The following ZMYND11 variants were observed in gnomAD, a reference collection of about 807,000 sequenced individuals.
ZMYND11 encodes zinc finger MYND domain-containing protein 11.
Under a neutral mutation model 84.9 loss-of-function variants are expected in ZMYND11, and 9 were observed. The ratio of observed to expected loss-of-function variants is 0.11; its 90% CI spans 0.06 to 0.18. The LOEUF (loss-of-function observed/expected upper bound fraction) is 0.18. Among genes scored for constraint, ZMYND11 ranks in the 10% least tolerant of loss-of-function variants. The probability of loss-of-function intolerance (pLI) is 1.00; values close to 1 mark genes in which losing one functional copy is unlikely to be tolerated. For synonymous variants in ZMYND11, 250 were observed against 244.1 expected, an observed-to-expected ratio of 1.02 and a Z score of -0.23; for missense variants, 409 against 761.0, an observed-to-expected ratio of 0.54 and a Z score of 5.44.
intron 1 of ZMYND11, among the ~76,000 whole-genome samples, chr10:163,912 C>T (rs1409771115): frequency 6.6e-6 from 1 of 152,094 alleles, no homozygotes; most frequent in African/African-American, 2.4e-5. Flanking sequence ...CTTCACATGT[C>T]AGTGTCTAAA....
intron 2 of ZMYND11, among the ~76,000 whole-genome samples, chr10:198,695 A>G (rs1942374553): frequency 6.6e-6 from 1 of 152,238 alleles, no homozygotes; most frequent in Non-Finnish European, 1.5e-5. Flanking sequence ...ACAGAACTGA[A>G]AAGAAGGATT....
At chr10:149,741 G>T (rs542441415) in intron 1 of ZMYND11, among the ~76,000 whole-genome samples, 31 of 152,288 alleles carry the variant, frequency 2.0e-4, no homozygotes, top group African/African-American at 6.7e-4. Flanking sequence ...AATAGACATT[G>T]TATCACTTAG....
At chr10:167,904 A>G (rs1410099060) in intron 1 of ZMYND11, among the ~76,000 whole-genome samples, 3 of 152,130 alleles carry the variant, frequency 2.0e-5, no homozygotes, top group African/African-American at 7.2e-5. Context: ...ATAATGTGCA[A>G]TTCTCACCAT....
intron 2 of ZMYND11, among the ~76,000 whole-genome samples, chr10:192,988 T>A (rs1453890343): frequency 6.6e-6 from 1 of 152,218 alleles, no homozygotes; most frequent in Non-Finnish European, 1.5e-5. Context: ...TGTCATCTGT[T>A]TATTTAACTT....
intron 4 of ZMYND11, among the ~76,000 whole-genome samples, chr10:225,643 G>A (rs974124573): frequency 4.1e-4 from 63 of 152,148 alleles, no homozygotes; most frequent in African/African-American, 1.4e-3. Context: ...CCACCATACC[G>A]GCTGTCTCAT....
chr10:143,204 C>T (rs535586649), intron 1 of ZMYND11, among the ~76,000 whole-genome samples: 4 of 152,156 alleles, frequency 2.6e-5, no homozygotes, highest in African/African-American at 7.2e-5. Flanking sequence ...TTGTGAGAAG[C>T]GTATGGTAAA....
intron 1 of ZMYND11, among the ~76,000 whole-genome samples, chr10:169,627 A>G (rs1844811129): frequency 6.6e-6 from 1 of 152,196 alleles, no homozygotes; most frequent in African/African-American, 2.4e-5. Context: ...CGAGAGATCA[A>G]AAACACTAAC....
intron 1 of ZMYND11, among the ~76,000 whole-genome samples, chr10:173,351 G>T (rs901949142): frequency 1.3e-5 from 2 of 152,134 alleles, no homozygotes; most frequent in Middle Eastern, 3.2e-3. Context: ...GTGATGACAG[G>T]CTACAGACTG....
At chr10:239,980 GAAAGA>G in intron 7 of ZMYND11, 71 bp from the exon 8 acceptor site, 4 of 1,318,544 alleles carry the variant, frequency 3.0e-6, no homozygotes, top group Non-Finnish European at 4.2e-6. Context: ...TTTGCAAACT[GAAAGA>G]AAAGGATAGT....
intron 8 of ZMYND11, among the ~76,000 whole-genome samples, chr10:240,429 G>C (rs544010809): frequency 6.6e-6 from 1 of 152,286 alleles, no homozygotes; most frequent in South Asian, 2.1e-4. Context: ...GCTTGAACGT[G>C]GAAGGTGGAG....
At chr10:161,170 T>A (rs1172694420) in intron 1 of ZMYND11, among the ~76,000 whole-genome samples, 1 of 152,128 alleles carries the variant, frequency 6.6e-6, no homozygotes, top group African/African-American at 2.4e-5. Flanking sequence ...GATGTCATGT[T>A]AGCCACATGA....
chr10:148,513 T>C (rs1839462591), intron 1 of ZMYND11: 1 of 152,308 alleles, frequency 6.6e-6, no homozygotes, highest in African/African-American at 2.4e-5. Flanking sequence ...CCGTCCAATA[T>C]TTGCATTCAC....
At chr10:156,988 T>G (rs781588807) in intron 1 of ZMYND11, among the ~76,000 whole-genome samples, 6 of 152,192 alleles carry the variant, frequency 3.9e-5, no homozygotes, top group Non-Finnish European at 5.9e-5. Context: ...TTAGAAAGAG[T>G]CAAGTTTGTT....
At position 237,050 on chromosome 10, in the gene ZMYND11, T is replaced by C. The variant is rs539264441; in HGVS notation, c.516+135T>C. On this transcript the variant is annotated intron_variant, in intron 5 of 14. Transcript: ENST00000381604. ...GAAGTGTGGAGAGCACCCCGTCATGTCATATTTCTTTTTTGCAGTAAACAG... is the reference window on the plus strand; with the variant it reads ...GAAGTGTGGAGAGCACCCCGTCATGCCATATTTCTTTTTTGCAGTAAACAG... The C allele has an allele frequency of 9.7e-5, 75 of 774,860 alleles. 2 individuals are homozygous for C. In the Middle Eastern group the frequency reaches 2.4e-3, roughly 25 times the overall value. The allele number at this position is 774,860 out of a possible 1,614,324, so 48.0% of individuals were successfully genotyped here. A position where few individuals can be genotyped will look rare whatever the true frequency, so the allele number is the denominator to read the frequency against.
chr10:187,288 A>G (rs1026622508), intron 2 of ZMYND11, among the ~76,000 whole-genome samples: 1 of 152,170 alleles, frequency 6.6e-6, no homozygotes, highest in Non-Finnish European at 1.5e-5. Context: ...GGTAGTAGGG[A>G]AGGTACTGTA....
intron 1 of ZMYND11, among the ~76,000 whole-genome samples, chr10:137,290 C>CAG (rs1211813262): frequency 6.6e-6 from 1 of 151,882 alleles, no homozygotes; most frequent in Non-Finnish European, 1.5e-5. Flanking sequence ...GAGGAGATAC[C>CAG]CAGGTGGCCC....
intron 10 of ZMYND11, among the ~76,000 whole-genome samples, chr10:242,908 TAC>T (rs1289547528): frequency 6.6e-6 from 1 of 152,202 alleles, no homozygotes; most frequent in Non-Finnish European, 1.5e-5. Flanking sequence ...CATAGGTAGA[TAC>T]ACACTTACCT....
Position 252,508 on chromosome 10 carries a change from T to C in ZMYND11, c.*38T>C. On this transcript the variant is annotated 3_prime_UTR_variant, in exon 15 of 15. Transcript: ENST00000381604. This position sits in a 1 kb window ranked among gnomAD's most constrained non-coding sequence, Gnocchi z 4.6. ...CCGGAGTCACCCCGATGATTACTCT[T>C]TTCAGACACAGCGGTTTTTGTTTCC... The C allele has an allele frequency of 6.4e-7, 1 of 1,573,280 alleles. No homozygotes were observed. The highest frequency in any genetic ancestry group is 8.6e-7 in the Non-Finnish European group (1 of 1,161,108).
chr10:205,215 T>C (rs1334009730), intron 2 of ZMYND11, among the ~76,000 whole-genome samples: 1 of 152,232 alleles, frequency 6.6e-6, no homozygotes, highest in Non-Finnish European at 1.5e-5. Flanking sequence ...TGGTTATTTA[T>C]ATTTTCTTAT....
Sources: allele counts gnomAD v4.1 joint callset (sites outside exome capture counted in the v4.1 genomes callset), GRCh38; gene constraint gnomAD v4.1.1; non-coding constraint Gnocchi (gnomAD v3.1); transcripts MANE v1.5; gene names NCBI Gene and HGNC (gene_info 2026-07-23, HGNC 2026-07-21).